The following ERBB4 variants were observed in gnomAD, a reference collection of about 807,000 sequenced individuals.
The protein encoded by ERBB4 is erb-b2 receptor tyrosine kinase 4.
In ERBB4, 42 loss-of-function variants were observed where a neutral mutation model predicts 158.0. That is an observed-to-expected ratio of 0.27 (90% CI 0.21 to 0.34). The LOEUF is 0.34. Among genes scored for constraint, ERBB4 ranks in the 10% least tolerant of loss-of-function variants. The probability of loss-of-function intolerance (pLI) is 1.00; values close to 1 mark genes in which losing one functional copy is unlikely to be tolerated. For synonymous variants in ERBB4, 583 were observed against 558.7 expected (o/e 1.04, Z -0.61); for missense variants, 1,333 against 1,624.1 (o/e 0.82, Z 3.08).
At chr2:211,689,202 T>C (rs2072698436) in intron 12 of ERBB4, among the ~76,000 whole-genome samples, 1 of 152,164 alleles carries the variant, frequency 6.6e-6, no homozygotes, top group African/African-American at 2.4e-5. Flanking sequence ...ATAAATGGAA[T>C]CTGTTTGTTT....
intron 1 of ERBB4, among the ~76,000 whole-genome samples, chr2:212,318,394 T>C (rs1283884995): frequency 6.6e-6 from 1 of 151,600 alleles, no homozygotes; most frequent in Non-Finnish European, 1.5e-5. Flanking sequence ...AGGAAAGAAC[T>C]TTTTCCCAGT....
intron 1 of ERBB4, among the ~76,000 whole-genome samples, chr2:212,518,992 GA>G (rs1194202864): frequency 6.6e-6 from 1 of 151,882 alleles, no homozygotes; most frequent in East Asian, 1.9e-4. Flanking sequence ...CATCTCCCCT[GA>G]AAAAATGTTA....
chr2:212,025,783 G>T (rs2076759402), intron 2 of ERBB4, among the ~76,000 whole-genome samples: 1 of 151,684 alleles, frequency 6.6e-6, no homozygotes, highest in African/African-American at 2.4e-5. Flanking sequence ...CTTCAGAAGA[G>T]TCCCTAAAAT....
chr2:212,172,363 T>C (rs2081543562), intron 1 of ERBB4, among the ~76,000 whole-genome samples: 1 of 152,140 alleles, frequency 6.6e-6, no homozygotes, highest in African/African-American at 2.4e-5. Flanking sequence ...TGGTGATTCC[T>C]CAAAGACCTA....
At chr2:211,957,185 T>C (rs936041332) in intron 2 of ERBB4, among the ~76,000 whole-genome samples, 2 of 152,096 alleles carry the variant, frequency 1.3e-5, no homozygotes, top group Non-Finnish European at 2.9e-5. Context: ...AGAATGGGAC[T>C]GTATTTGGAG....
At chr2:211,746,450 C>T (rs578141639) in intron 5 of ERBB4, among the ~76,000 whole-genome samples, 9 of 152,190 alleles carry the variant, frequency 5.9e-5, no homozygotes, top group African/African-American at 1.2e-4. Flanking sequence ...AGTAATTTCA[C>T]GTCTGATGAT....
At chr2:212,355,570 T>A (rs1214294310) in intron 1 of ERBB4, among the ~76,000 whole-genome samples, 1 of 152,022 alleles carries the variant, frequency 6.6e-6, no homozygotes, top group Non-Finnish European at 1.5e-5. Context: ...GGCTGCTCGT[T>A]ATTGTAATAG....
At chr2:211,931,405 T>C (rs550992888) in intron 3 of ERBB4, among the ~76,000 whole-genome samples, 1 of 152,200 alleles carries the variant, frequency 6.6e-6, no homozygotes, top group African/African-American at 2.4e-5. Context: ...CACATAGAGT[T>C]GCATTTTTTA....
At chr2:211,765,789 T>A (rs1045322546) in intron 4 of ERBB4, among the ~76,000 whole-genome samples, 2 of 152,230 alleles carry the variant, frequency 1.3e-5, no homozygotes, top group Non-Finnish European at 2.9e-5. Flanking sequence ...ACTTTTAAAT[T>A]TATCATTGTA....
intron 3 of ERBB4, among the ~76,000 whole-genome samples, chr2:211,856,289 T>C (rs909591167): frequency 6.6e-6 from 1 of 152,176 alleles, no homozygotes; most frequent in African/African-American, 2.4e-5. Flanking sequence ...ATTAGGCAAT[T>C]ACAGCCCAGA....
rs367801279 is a variant in ERBB4 at position 211,562,769 on chromosome 2, C to CTTTTTTTTTTTTTTTTTTTTTT, written c.2302-682_2302-681insAAAAAAAAAAAAAAAAAAAAAA. 7.6e-4 allele frequency among the ~76,000 whole-genome samples: 96 copies of CTTTTTTTTTTTTTTTTTTTTTT among 125,696 alleles called. 5 individuals are homozygous for CTTTTTTTTTTTTTTTTTTTTTT. Among genetic ancestry groups the CTTTTTTTTTTTTTTTTTTTTTT allele is most frequent in the Middle Eastern group, 4.3e-3 (1 of 232 alleles). The allele number at this position is 125,696 out of a possible 152,430, so 82.5% of individuals were successfully genotyped here. ...GACTATAAAAATTTGACTACTCCAA[C>CTTTTTTTTTTTTTTTTTTTTTT]TTTTTTTTTTTTTTTTTTTTGAGAC... On this transcript the variant is annotated intron_variant, in intron 19 of 27. Transcript: ENST00000342788.
chr2:212,472,417 G>A (rs540405011), intron 1 of ERBB4, among the ~76,000 whole-genome samples: 231 of 151,792 alleles, frequency 1.5e-3, no homozygotes, highest in African/African-American at 5.1e-3. Flanking sequence ...CCAGATGTAC[G>A]TGGCTCTTAA....
intron 20 of ERBB4, among the ~76,000 whole-genome samples, chr2:211,439,960 T>A (rs1221101126): frequency 6.6e-6 from 1 of 152,142 alleles, no homozygotes; most frequent in Non-Finnish European, 1.5e-5. Context: ...CTTCAGAAGT[T>A]TCATTTACCA....
chr2:212,477,403 A>T (rs984000299), intron 1 of ERBB4, among the ~76,000 whole-genome samples: 1 of 152,156 alleles, frequency 6.6e-6, no homozygotes, highest in Non-Finnish European at 1.5e-5. Flanking sequence ...ATCTGACTGA[A>T]AAGTAGACAT....
chr2:212,244,263 A>G (rs886490244), intron 1 of ERBB4, among the ~76,000 whole-genome samples: 6 of 152,274 alleles, frequency 3.9e-5, no homozygotes, highest in Admixed American at 2.6e-4. Flanking sequence ...AATCAACCTC[A>G]TAAGTCCATC....
intron 20 of ERBB4, among the ~76,000 whole-genome samples, chr2:211,470,999 T>A (rs542439491): frequency 2.9e-4 from 44 of 152,274 alleles, no homozygotes; most frequent in African/African-American, 1.0e-3. Flanking sequence ...TTGGGTTATA[T>A]CCCTTAACTG....
chr2:211,924,929 G>A (rs2079975319), intron 3 of ERBB4, among the ~76,000 whole-genome samples: 1 of 151,934 alleles, frequency 6.6e-6, no homozygotes, highest in African/African-American at 2.4e-5. Flanking sequence ...ATCTTTGTAT[G>A]GATATTTTAG....
intron 2 of ERBB4, among the ~76,000 whole-genome samples, chr2:211,948,089 A>G (rs915181476): frequency 2.0e-5 from 3 of 152,184 alleles, no homozygotes; most frequent in African/African-American, 4.8e-5. Flanking sequence ...TTATCAAATA[A>G]CAATTGCCCT....
chr2:212,334,596 T>G (rs559234417), intron 1 of ERBB4, among the ~76,000 whole-genome samples: 30 of 152,156 alleles, frequency 2.0e-4, no homozygotes, highest in African/African-American at 6.5e-4. Flanking sequence ...CATATTGCAT[T>G]ATAATTATTT....
Sources: allele counts gnomAD v4.1 joint callset (sites outside exome capture counted in the v4.1 genomes callset), GRCh38; gene constraint gnomAD v4.1.1; transcripts MANE v1.5; gene names NCBI Gene and HGNC (gene_info 2026-07-23, HGNC 2026-07-21).